The following VWA5B1 variants were observed in gnomAD, a reference collection of about 807,000 sequenced individuals.
VWA5B1 encodes the protein von Willebrand factor A domain containing 5B1.
A neutral mutation model predicts 118.2 loss-of-function variants in VWA5B1; 115 were observed. The observed-to-expected ratio is 0.97, with a 90% CI of 0.84 to 1.14. The LOEUF (loss-of-function observed/expected upper bound fraction) is 1.14, where lower values mean the gene tolerates loss of function less well. VWA5B1 is among the 50% of genes most tolerant of loss of function. VWA5B1 has a pLI of 0.00. For missense variants in VWA5B1, 1,596 were observed against 1,603.8 expected (o/e 1.00, Z 0.08); for synonymous variants, 682 against 658.4 (o/e 1.04, Z -0.55).
intron 4 of VWA5B1, among the ~76,000 whole-genome samples, chr1:20,317,303 C>T (rs1426769879): frequency 6.6e-6 from 1 of 152,172 alleles, no homozygotes; most frequent in East Asian, 1.9e-4. Flanking sequence ...CCATCGGGAG[C>T]ACCGTGCCTG....
intron 2 of VWA5B1, 120 bp from the exon 3 acceptor site, chr1:20,312,716 A>G (rs919930804): frequency 1.5e-6 from 2 of 1,329,298 alleles, no homozygotes; most frequent in Non-Finnish European, 1.9e-6. Context: ...GCCTCTCGGC[A>G]TCCAATAAGC....
At chr1:20,304,299 T>C (rs1444913279) in intron 1 of VWA5B1, among the ~76,000 whole-genome samples, 1 of 151,282 alleles carries the variant, frequency 6.6e-6, no homozygotes, top group Non-Finnish European at 1.5e-5. Context: ...CTGGAGGAGG[T>C]GGATCTAAGC....
chr1:20,305,655 G>T (rs577572457), intron 1 of VWA5B1, among the ~76,000 whole-genome samples: 61 of 152,214 alleles, frequency 4.0e-4, no homozygotes, highest in African/African-American at 1.3e-3. Flanking sequence ...GGACACAGGG[G>T]AAGGTTTGGA....
Position 20,330,265 on chromosome 1 carries a change from T to A in VWA5B1, c.1340T>A (p.Val447Asp). The part of the protein sequence containing the change: ...GTNILSPLKW[V>D]IRQPVHRGHP... ...AACATCCTTTCCCCTCTCAAGTGGG[T>A]CATCAGGCAGCCAGTGCACCGAGGC... Residue 447 changes from valine to aspartate, a missense_variant, in exon 10 of 22, where the codon GTC becomes GAC. By Grantham distance (152) the Val-to-Asp change is radical (BLOSUM62 -3). Coordinates refer to ENST00000289815, the MANE Select transcript of VWA5B1 (RefSeq NM_001039500.3). The A allele has an allele frequency of 1.9e-6, 3 of 1,551,686 alleles. No homozygotes were observed. Among genetic ancestry groups the A allele is most frequent in the Non-Finnish European group, 2.6e-6 (3 of 1,147,000 alleles).
rs761598036 is a variant in VWA5B1 at position 20,336,336 on chromosome 1, C to T, written c.1792C>T (p.Gln598Ter). 2.0e-6 allele frequency: 3 copies of T among 1,517,174 alleles called. No individual in the cohort carries two copies. The highest frequency in any genetic ancestry group is 2.5e-5 in the East Asian group (1 of 39,556). The allele number at this position is 1,517,174 out of a possible 1,614,324, so 94.0% of individuals were successfully genotyped here. A position where few individuals can be genotyped will look rare whatever the true frequency, so the allele number is the denominator to read the frequency against. The change falls in exon 13 of 22, where the codon CAG becomes TAG. Residue 598 changes from glutamine (Q) to a stop codon, truncating the protein, a stop_gained. Transcript: ENST00000289815. LOFTEE classifies it high-confidence loss of function. ...GCGCCGGTACAGCATGCTGCACTCT[C>T]AGGAGTCTGGCAGCTCTGTCTTCTA... Reference protein sequence around the residue: ...KRRRYSMLHSQESGSSVFYHS... With the variant: ...KRRRYSMLHS
chr1:20,291,387 T>TTCTG (rs1553192769), intron 1 of VWA5B1, among the ~76,000 whole-genome samples: 66 of 114,236 alleles, frequency 5.8e-4, no homozygotes, highest in African/African-American at 2.7e-3. Flanking sequence ...CTCTCTCTCT[T>TTCTG]TCTGTCTCCT....
rs1415029150 is a variant in VWA5B1 at position 20,323,569 on chromosome 1, C to T, written c.1143+37C>T. 21 of 1,347,458 alleles carry T rather than the reference C, an allele frequency of 1.6e-5. No individual in the cohort carries two copies. In the East Asian group the frequency reaches 6.3e-4, roughly 40 times the overall value. The allele number at this position is 1,347,458 out of a possible 1,614,324, so 83.5% of individuals were successfully genotyped here. A position where few individuals can be genotyped will look rare whatever the true frequency, so the allele number is the denominator to read the frequency against. Reference sequence around the variant, plus strand: ...GAGAACCCCTCCCGAGGACCCGGGGCTCCAGGGGAAATCAGCTGTGTGCCC... The same window carrying T: ...GAGAACCCCTCCCGAGGACCCGGGGTTCCAGGGGAAATCAGCTGTGTGCCC... On this transcript the variant is annotated intron_variant, in intron 8 of 21. Coordinates refer to ENST00000289815, the MANE Select transcript of VWA5B1 (RefSeq NM_001039500.3).
rs990540541 is a variant in VWA5B1 at position 20,322,853 on chromosome 1, C to T, written c.967-503C>T. 2.6e-5 allele frequency among the ~76,000 whole-genome samples: 4 copies of T among 152,118 alleles called. No homozygotes were observed. In the South Asian group the frequency reaches 8.3e-4, roughly 31 times the overall value. ...TGGAAATTGGGGAAGCCTTTCCAAA[C>T]AGGTAGAATTTGAAGAGTGAGTAGG... is the stretch of plus-strand genomic sequence containing the variant. On this transcript the variant is annotated intron_variant, in intron 7 of 21. Transcript: ENST00000289815.
chr1:20,317,540 C>T lies in VWA5B1; in HGVS notation c.574C>T (p.His192Tyr). 6.4e-7 allele frequency: 1 copy of T among 1,551,580 alleles called. No individual in the cohort carries two copies. Among genetic ancestry groups the T allele is most frequent in the Non-Finnish European group, 8.7e-7 (1 of 1,146,934 alleles). ...CCGGCCCTTTTCCAGCAAAGACAGGCACTGCTTCGGTGCCTGGGCCCCGGG... is the reference window on the plus strand; with the variant it reads ...CCGGCCCTTTTCCAGCAAAGACAGGTACTGCTTCGGTGCCTGGGCCCCGGG... ...SNQQAQGKDR[H>Y]CFGAWAPGSW... Residue 192 changes from histidine to tyrosine, a missense_variant, in exon 5 of 22, where the codon CAC becomes TAC. Transcript: ENST00000289815.
chr1:20,331,328 A>T (rs1192587953), intron 11 of VWA5B1, among the ~76,000 whole-genome samples: 1 of 152,268 alleles, frequency 6.6e-6, no homozygotes, highest in Non-Finnish European at 1.5e-5. Context: ...GGTGGCTCAG[A>T]AGAATCTAAA....
chr1:20,317,548 C>A lies in VWA5B1; in HGVS notation c.582C>A (p.Phe194Leu). Residue 194 changes from phenylalanine (F) to leucine (L), a missense_variant, in exon 5 of 22, where the codon TTC becomes TTA. By Grantham distance (22) the Phe-to-Leu change is conservative (BLOSUM62 0). Transcript: ENST00000289815. ...TTTCCAGCAAAGACAGGCACTGCTT[C>A]GGTGCCTGGGCCCCGGGCTCCTGGA... ...QQAQGKDRHCFGAWAPGSWNK... is the reference protein window; with the variant it reads ...QQAQGKDRHCLGAWAPGSWNK... 6.4e-7 allele frequency: 1 copy of A among 1,551,634 alleles called. No individual in the cohort carries two copies. The highest frequency in any genetic ancestry group is 1.2e-5 in the South Asian group (1 of 84,044).
intron 14 of VWA5B1, among the ~76,000 whole-genome samples, chr1:20,342,083 G>T (rs2089888778): frequency 6.9e-6 from 1 of 145,346 alleles, no homozygotes; most frequent in South Asian, 2.2e-4. Flanking sequence ...AAGGAAAAAA[G>T]ATTGATAATT....
At chr1:20,335,245 T>A (rs1211156649) in intron 12 of VWA5B1, among the ~76,000 whole-genome samples, 1 of 151,796 alleles carries the variant, frequency 6.6e-6, no homozygotes, top group Non-Finnish European at 1.5e-5. Flanking sequence ...AGCCCAGGAG[T>A]TGGAGGCTGC....
chr1:20,291,387 T>TCTCTCTCTATCTCTCTCTCTCTCTCTC (rs57894456), intron 1 of VWA5B1, among the ~76,000 whole-genome samples: 1 of 114,170 alleles, frequency 8.8e-6, no homozygotes, highest in African/African-American at 4.2e-5. Flanking sequence ...CTCTCTCTCT[T>TCTCTCTCTATCTCTCTCTCTCTCTCTC]TCTGTCTCCT....
intron 9 of VWA5B1, among the ~76,000 whole-genome samples, chr1:20,329,640 G>A (rs1361477611): frequency 6.6e-6 from 1 of 152,170 alleles, no homozygotes; most frequent in South Asian, 2.1e-4. Flanking sequence ...CCAGGAGAAG[G>A]AGGTCACTGT....
At chr1:20,317,750 G>A (rs2089066460) in intron 5 of VWA5B1, 75 bp downstream of exon 5, 3 of 998,500 alleles carry the variant, frequency 3.0e-6, no homozygotes, top group South Asian at 1.6e-5. Context: ...TGGGACGGGG[G>A]TGGGAAGGAA....
At position 20,332,856 on chromosome 1, in the gene VWA5B1, T is replaced by G; in HGVS notation, c.1663T>G (p.Ser555Ala). Residue 555 changes from serine to alanine, a missense_variant, in exon 12 of 22, where the codon TCA becomes GCA. Physicochemically the swap from Ser to Ala is moderately conservative, Grantham distance 99. Coordinates refer to ENST00000289815, the MANE Select transcript of VWA5B1 (RefSeq NM_001039500.3). ...IFPETTEVLV[S>A]PVSASSLFPG... ...CCCTGAGACCACTGAGGTCCTGGTCTCACCCGTCAGCGCCAGCTCCCTCTT... is the reference window on the plus strand; with the variant it reads ...CCCTGAGACCACTGAGGTCCTGGTCGCACCCGTCAGCGCCAGCTCCCTCTT... 6.4e-7 allele frequency: 1 copy of G among 1,551,852 alleles called. No individual in the cohort carries two copies. Among genetic ancestry groups the G allele is most frequent in the East Asian group, 2.4e-5 (1 of 40,924 alleles).
chr1:20,351,378 G>C (rs1439675725), intron 20 of VWA5B1, among the ~76,000 whole-genome samples: 3 of 152,114 alleles, frequency 2.0e-5, no homozygotes, highest in African/African-American at 4.8e-5. Context: ...AATAGGCCAG[G>C]CATGGTGGCT....
chr1:20,311,251 G>A (rs1298568347), intron 2 of VWA5B1, among the ~76,000 whole-genome samples: 2 of 152,182 alleles, frequency 1.3e-5, no homozygotes, highest in African/African-American at 2.4e-5. Context: ...GGGATTACAG[G>A]CATGAGCCAC....
Sources: allele counts gnomAD v4.1 joint callset (sites outside exome capture counted in the v4.1 genomes callset), GRCh38; gene constraint gnomAD v4.1.1; transcripts MANE v1.5; gene names NCBI Gene and HGNC (gene_info 2026-07-23, HGNC 2026-07-21).